NCKAP5: variants seen among roughly 807,000 people sequenced by gnomAD.
The protein encoded by NCKAP5 is nck-associated protein 5.
Under a neutral mutation model 167.0 loss-of-function variants are expected in NCKAP5, and 92 were observed. That is an observed-to-expected ratio of 0.55 (90% CI 0.47 to 0.66). The LOEUF is 0.66. Ranked by LOEUF, NCKAP5 falls within the 30% of genes least tolerant of loss-of-function variation. NCKAP5 has a pLI of 0.00. For missense variants in NCKAP5, 2,378 were observed against 2,315.0 expected (o/e 1.03, Z -0.56); for synonymous variants, 891 against 877.4 (o/e 1.02, Z -0.27).
At chr2:132,773,040 G>A (rs559777270) in intron 16 of NCKAP5, among the ~76,000 whole-genome samples, 13 of 152,182 alleles carry the variant, frequency 8.5e-5, no homozygotes, top group African/African-American at 2.4e-4. Context: ...TGTGACTTGC[G>A]GAAGTGATTC....
chr2:133,644,794 T>C, the NCKAP5 span, among the ~76,000 whole-genome samples: 1 of 152,206 alleles, frequency 6.6e-6, no homozygotes, highest in African/African-American at 2.4e-5. Context: ...CAGCACAGTA[T>C]ACATAACAGA....
intron 4 of NCKAP5, among the ~76,000 whole-genome samples, chr2:133,282,577 T>C (rs16823190): frequency 0.024 from 3,694 of 152,256 alleles, 137 homozygotes; most frequent in African/African-American, 0.083. Context: ...AGGATGAACT[T>C]AGGGTGTGGT....
In NCKAP5 at chr2:133,471,289, G is replaced by A. The variant is rs558436203; in HGVS notation, c.69+46169C>T. Among the ~76,000 whole-genome samples, 153 of 152,238 alleles carry A rather than the reference G, an allele frequency of 1.0e-3. 1 individual carries two copies. The highest frequency in any genetic ancestry group is 2.8e-3 in the African/African-American group (118 of 41,548). ...AACAGCCACTTTACTCCTGCTAAGT[G>A]AGCGGCTCATATGCACTTTTTTAGA... On this transcript the variant is annotated intron_variant, in intron 3 of 19. Transcript: ENST00000409261.
intron 5 of NCKAP5, among the ~76,000 whole-genome samples, chr2:133,199,770 T>C (rs1432655445): frequency 6.6e-6 from 1 of 151,944 alleles, no homozygotes; most frequent in Non-Finnish European, 1.5e-5. Flanking sequence ...CACATGAATG[T>C]TCATAGTAGC....
intron 4 of NCKAP5, among the ~76,000 whole-genome samples, chr2:133,267,941 A>G (rs1203100347): frequency 6.6e-6 from 1 of 152,236 alleles, no homozygotes; most frequent in Non-Finnish European, 1.5e-5. Flanking sequence ...GTCTTAAAGC[A>G]TGGAAGAACA....
At chr2:133,551,064 AC>A (rs1339297611) in intron 2 of NCKAP5, among the ~76,000 whole-genome samples, 1 of 150,896 alleles carries the variant, frequency 6.6e-6, no homozygotes, top group Non-Finnish European at 1.5e-5. Flanking sequence ...TTCAAGGAGA[AC>A]TACAAACCAC....
chr2:133,567,681 G>GTGTGTGTGTGTGTGTGTT (rs1688657313), intron 1 of NCKAP5, among the ~76,000 whole-genome samples: 1 of 151,600 alleles, frequency 6.6e-6, no homozygotes, highest in East Asian at 2.0e-4. Context: ...GTGTGTGTGT[G>GTGTGTGTGTGTGTGTGTT]TGTGTGTGTG....
the NCKAP5 span, among the ~76,000 whole-genome samples, chr2:133,613,678 C>T: frequency 6.6e-6 from 1 of 152,178 alleles, no homozygotes; most frequent in Admixed American, 6.5e-5. Context: ...AAATGTCCTG[C>T]ACAGCCTCCT....
chr2:133,444,561 T>G (rs1327652919), intron 3 of NCKAP5, among the ~76,000 whole-genome samples: 3 of 152,160 alleles, frequency 2.0e-5, no homozygotes, highest in African/African-American at 7.2e-5. Context: ...GCCCTCCTTA[T>G]CCCAGCACGG....
intron 16 of NCKAP5, among the ~76,000 whole-genome samples, chr2:132,740,808 G>A (rs1240461662): frequency 2.6e-5 from 4 of 151,864 alleles, no homozygotes; most frequent in Admixed American, 2.6e-4. Context: ...GAGTTGCATA[G>A]GGGATGAATA....
intron 19 of NCKAP5, among the ~76,000 whole-genome samples, chr2:132,702,290 T>G (rs2105252194): frequency 6.6e-6 from 1 of 152,262 alleles, no homozygotes; most frequent in East Asian, 1.9e-4. Flanking sequence ...CATCAGAGGA[T>G]GGCTGCTCCC....
chr2:132,848,412 G>A (rs1688827253), intron 11 of NCKAP5, among the ~76,000 whole-genome samples: 1 of 152,084 alleles, frequency 6.6e-6, no homozygotes, highest in African/African-American at 2.4e-5. Context: ...ATATCATTAT[G>A]AGATCTTTAC....
At position 132,926,085 on chromosome 2, in the gene NCKAP5, GGTCCAT is replaced by G. The variant is rs1695861425; in HGVS notation, c.579+37629_579+37634del. 1.8e-5 allele frequency: 4 copies of G among 227,140 alleles called. No homozygotes were observed. In the South Asian group the frequency reaches 2.0e-4, roughly 12 times the overall value. 14.1% of individuals were successfully genotyped at this position (227,140 alleles called of 1,614,324 possible). A position where few individuals can be genotyped will look rare whatever the true frequency, so the allele number is the denominator to read the frequency against. Reference sequence around the variant, plus strand: ...TCAATGATTATTATCACACACTTTAGGTCCATGTGTACACATTATTTAGTTCCCACT... The same window carrying G: ...TCAATGATTATTATCACACACTTTAGGTGTACACATTATTTAGTTCCCACT... On this transcript the variant is annotated intron_variant, in intron 8 of 19. Transcript: ENST00000409261.
intron 8 of NCKAP5, among the ~76,000 whole-genome samples, chr2:132,904,742 G>T (rs1240758863): frequency 1.3e-5 from 2 of 152,144 alleles, no homozygotes; most frequent in African/African-American, 4.8e-5. Flanking sequence ...GGTCTCATGT[G>T]AGGCTAAAAT....
At chr2:133,162,647 G>A (rs1439074819) in intron 5 of NCKAP5, among the ~76,000 whole-genome samples, 1 of 151,860 alleles carries the variant, frequency 6.6e-6, no homozygotes, top group African/African-American at 2.4e-5. Context: ...TACTCTTAAG[G>A]AAAAATTTAA....
chr2:132,745,335 A>T (rs1171480237), intron 16 of NCKAP5, among the ~76,000 whole-genome samples: 1 of 151,776 alleles, frequency 6.6e-6, no homozygotes, highest in Non-Finnish European at 1.5e-5. Flanking sequence ...AAACCATATG[A>T]TTATCTCAAA....
chr2:133,551,150 A>G (rs199527905), intron 2 of NCKAP5, among the ~76,000 whole-genome samples: 1 of 152,120 alleles, frequency 6.6e-6, no homozygotes, highest in Non-Finnish European at 1.5e-5. Flanking sequence ...AATCAATATC[A>G]TGAAATGGCC....
At chr2:133,340,443 T>C (rs1190480724) in intron 3 of NCKAP5, among the ~76,000 whole-genome samples, 1 of 152,192 alleles carries the variant, frequency 6.6e-6, no homozygotes, top group Non-Finnish European at 1.5e-5. Flanking sequence ...CTTTTCTTCC[T>C]CCTCTCTTTC....
chr2:133,190,019 A>T (rs920324676), intron 5 of NCKAP5, among the ~76,000 whole-genome samples: 4 of 152,188 alleles, frequency 2.6e-5, no homozygotes, highest in Non-Finnish European at 5.9e-5. Context: ...GTATATTTAG[A>T]AAACCCCATC....
Sources: gnomAD v4.1 joint callset for allele counts (sites outside exome capture counted in the v4.1 genomes callset) on GRCh38, gnomAD v4.1.1 for gene constraint, MANE v1.5 for transcripts, NCBI Gene and HGNC (gene_info 2026-07-23, HGNC 2026-07-21) for gene names.